The following ANKMY1 variants were observed in gnomAD, a reference collection of about 807,000 sequenced individuals.
ANKMY1 encodes the protein ankyrin repeat and MYND domain containing 1, also known as ankyrin repeat and MYND domain-containing protein 1.
ANKMY1 carries 98 observed loss-of-function variants against 102.0 expected under a neutral mutation model. The observed-to-expected ratio is 0.96, with a 90% CI of 0.82 to 1.14. The LOEUF is 1.14. Among genes scored for constraint, ANKMY1 ranks in the 50% most tolerant of loss-of-function variants. The pLI, the probability that ANKMY1 is intolerant of heterozygous loss-of-function variation, is 0.00. For synonymous variants in ANKMY1, 582 were observed against 559.9 expected, an observed-to-expected ratio of 1.04 and a Z score of -0.56; for missense variants, 1,330 against 1,347.6, an observed-to-expected ratio of 0.99 and a Z score of 0.20.
chr2:240,532,132 G>A, intron 4 of ANKMY1: 1 of 467,342 alleles, frequency 2.1e-6, no homozygotes, highest in Non-Finnish European at 4.4e-6. Flanking sequence ...ACATCACATT[G>A]AAACTGTAGA....
At chr2:240,542,963 ATAAT>A (rs945197353) in intron 4 of ANKMY1, among the ~76,000 whole-genome samples, 3 of 151,094 alleles carry the variant, frequency 2.0e-5, no homozygotes, top group Admixed American at 2.0e-4. Flanking sequence ...AATATAATTA[ATAAT>A]TAGTTAAGTA....
chr2:240,552,755 C>T, intron 4 of ANKMY1, 159 bp downstream of exon 4: 1 of 1,170,712 alleles, frequency 8.5e-7, no homozygotes, highest in Non-Finnish European at 1.2e-6. Context: ...TATTTTCAGT[C>T]TATATCCTTA....
At chr2:240,498,294 G>C (rs2077541263) in intron 15 of ANKMY1, among the ~76,000 whole-genome samples, 1 of 90,954 alleles carries the variant, frequency 1.1e-5, no homozygotes, top group East Asian at 3.7e-4. Context: ...TGTTGGGGGT[G>C]GGGGGGGTTT....
At chr2:240,519,251 T>A (rs1252746100) in intron 9 of ANKMY1, among the ~76,000 whole-genome samples, 2 of 152,186 alleles carry the variant, frequency 1.3e-5, no homozygotes, top group African/African-American at 4.8e-5. Context: ...GATGGGTGGA[T>A]GCACTGAACG....
chr2:240,512,258 A>G (rs2080354552), intron 10 of ANKMY1, among the ~76,000 whole-genome samples: 1 of 152,202 alleles, frequency 6.6e-6, no homozygotes, highest in Admixed American at 6.5e-5. Flanking sequence ...TGAGCTGCGC[A>G]CACCATGTCC....
chr2:240,545,135 G>A (rs2090044506), intron 4 of ANKMY1, among the ~76,000 whole-genome samples: 2 of 152,342 alleles, frequency 1.3e-5, no homozygotes, highest in East Asian at 1.9e-4. Flanking sequence ...GAGAGCAGTG[G>A]TTCTCCCAGC....
At chr2:240,471,530 C>T in the ANKMY1 span, among the ~76,000 whole-genome samples, 7 of 151,810 alleles carry the variant, frequency 4.6e-5, no homozygotes, top group Admixed American at 1.3e-4. Context: ...GTTATCAAAG[C>T]GAAAAGGGGG....
chr2:240,558,083 GC>G, upstream of ANKMY1: 1 of 707,544 alleles, frequency 1.4e-6, no homozygotes, highest in African/African-American at 1.9e-5. Context: ...ACCCGGCCCC[GC>G]CTCCGGGCGT....
At chr2:240,513,192 G>A (rs1279499368) in intron 9 of ANKMY1, among the ~76,000 whole-genome samples, 13 of 152,176 alleles carry the variant, frequency 8.5e-5, no homozygotes, top group Non-Finnish European at 1.6e-4. Flanking sequence ...GCCACAGGTA[G>A]GAAGGCCCAC....
chr2:240,500,424 C>G, intron 14 of ANKMY1, 28 bp downstream of exon 14: 1 of 1,602,478 alleles, frequency 6.2e-7, no homozygotes, highest in Non-Finnish European at 8.5e-7. Context: ...CACTCCCCCT[C>G]CTTCCTCATG....
chr2:240,547,560 T>C (rs868240158), intron 4 of ANKMY1, among the ~76,000 whole-genome samples: 1 of 143,610 alleles, frequency 7.0e-6, no homozygotes. Context: ...TTCAAAAAAT[T>C]AATGAATCCA....
intron 4 of ANKMY1, among the ~76,000 whole-genome samples, chr2:240,540,470 C>T (rs1341512484): frequency 6.6e-6 from 1 of 152,180 alleles, no homozygotes. Context: ...AAGCCCAGGT[C>T]TCTCAAAAAG....
chr2:240,470,505 T>C, the ANKMY1 span, among the ~76,000 whole-genome samples: 1 of 152,140 alleles, frequency 6.6e-6, no homozygotes, highest in East Asian at 1.9e-4. Flanking sequence ...GCAAAACCAG[T>C]GAGTCTAAAC....
At position 240,511,999 on chromosome 2, in the gene ANKMY1, CAGCT is replaced by C; in HGVS notation, c.2146-2_2147del. On this transcript the variant is annotated splice_acceptor_variant and coding_sequence_variant, in exon 11 of 18. Transcript: ENST00000401804. LOFTEE classifies it high-confidence loss of function. ...GCTTCAGACTTGAGGGCAGCAGGTC[CAGCT>C]GTGTAAAACGGAGGGCTCCGCCAGC... is the stretch of plus-strand genomic sequence containing the variant. 1 of 1,547,200 alleles carries C rather than the reference CAGCT, an allele frequency of 6.5e-7. No individual in the cohort carries two copies.
intron 8 of ANKMY1, chr2:240,521,924 T>C (rs1266122307): frequency 6.6e-6 from 1 of 152,238 alleles, no homozygotes; most frequent in Non-Finnish European, 1.5e-5. Flanking sequence ...TTAAAGGTGA[T>C]GCGGACCAAA....
Position 240,506,610 on chromosome 2 carries a change from A to G in ANKMY1, c.2526+950T>C, listed in dbSNP as rs1380085947. On this transcript the variant is annotated intron_variant, in intron 13 of 17. Transcript: ENST00000401804. The surrounding 1 kb of genome is among the most constrained non-coding windows in gnomAD (Gnocchi z 4.9). ...CCTGAGTCTCGCCCTTCCCCTTCCA[A>G]ATGCCTGGGTCTCGCCCCCCATTCC... 2.6e-5 allele frequency among the ~76,000 whole-genome samples: 4 copies of G among 151,214 alleles called. No homozygotes were observed. The highest frequency in any genetic ancestry group is 2.6e-4 in the Admixed American group (4 of 15,206).
At position 240,479,671 on chromosome 2, in the gene ANKMY1, G is replaced by T; in HGVS notation, c.3047-16C>A. The T allele has an allele frequency of 6.2e-7, 1 of 1,612,678 alleles. No individual in the cohort carries two copies. Among genetic ancestry groups the T allele is most frequent in the East Asian group, 2.2e-5 (1 of 44,868 alleles). On this transcript the variant is annotated splice_polypyrimidine_tract_variant and intron_variant, in intron 17 of 17. Transcript: ENST00000401804. Reference sequence around the variant, plus strand: ...AGTTGTGTCACTGGAGGAGGAAAAGGTGTGGGGGAGGGGGAAGAGGGGGCT... The same window carrying T: ...AGTTGTGTCACTGGAGGAGGAAAAGTTGTGGGGGAGGGGGAAGAGGGGGCT...
intron 4 of ANKMY1, among the ~76,000 whole-genome samples, chr2:240,549,534 A>G (rs1409484121): frequency 6.6e-6 from 1 of 152,238 alleles, no homozygotes; most frequent in African/African-American, 2.4e-5. Context: ...TAAATTAAAG[A>G]GCTTCTGCAC....
At chr2:240,560,728 T>C (rs2125419058), upstream of ANKMY1, 2 of 1,522,310 alleles carry the variant, frequency 1.3e-6, no homozygotes, top group African/African-American at 1.4e-5. Context: ...GCCTCGCCCG[T>C]ACCTCCACCG....
Sources: gnomAD v4.1 joint callset for allele counts (sites outside exome capture counted in the v4.1 genomes callset) on GRCh38, gnomAD v4.1.1 for gene constraint, Gnocchi (gnomAD v3.1) non-coding constraint, MANE v1.5 for transcripts, NCBI Gene and HGNC (gene_info 2026-07-23, HGNC 2026-07-21) for gene names.